The following BTBD8 variants were observed in gnomAD, a reference collection of about 807,000 sequenced individuals.
The protein encoded by BTBD8 is BTB/POZ domain-containing protein 8.
BTBD8 carries 110 observed loss-of-function variants against 162.9 expected under a neutral mutation model. The ratio of observed to expected loss-of-function variants is 0.68; its 90% confidence interval spans 0.58 to 0.79. The LOEUF is 0.79. BTBD8 is among the 30% of genes least tolerant of loss of function. The pLI is 0.00. For missense variants in BTBD8, 1,905 were observed against 2,085.4 expected (o/e 0.91, Z 1.68); for synonymous variants, 667 against 716.1 (o/e 0.93, Z 1.10).
chr1:92,177,135 G>A lies in BTBD8; in HGVS notation c.1942G>A (p.Ala648Thr). The change falls in exon 14 of 18, where the codon GCA becomes ACA. Residue 648 changes from alanine to threonine, a missense_variant. Coordinates refer to ENST00000636805, the MANE Select transcript of BTBD8 (RefSeq NM_001376131.1). ...TKSKTENGDK[A>T]RLENMSPRQV... ...ATCCAAAACAGAAAATGGTGATAAG[G>A]CACGGTTGGAAAACATGTCACCTAG... The A allele has an allele frequency of 1.3e-6, 2 of 1,551,662 alleles. No individual in the cohort carries two copies. Among genetic ancestry groups the A allele is most frequent in the Non-Finnish European group, 1.7e-6 (2 of 1,146,984 alleles).
intron 5 of BTBD8, among the ~76,000 whole-genome samples, chr1:92,131,186 G>C (rs1368486499): frequency 6.6e-6 from 1 of 152,158 alleles, no homozygotes; most frequent in Non-Finnish European, 1.5e-5. Context: ...TATACATTTA[G>C]AGACTAGATA....
Position 92,113,282 on chromosome 1 carries a change from T to C in BTBD8, c.662+5281T>C, listed in dbSNP as rs2101912257. On this transcript the variant is annotated intron_variant, in intron 4 of 17. Coordinates refer to ENST00000636805, the MANE Select transcript of BTBD8 (RefSeq NM_001376131.1). ...TTTAAGCCTCAGATGCTTCTAATTTTACTAAAATGGAAATGGCTGACATGC... is the reference window on the plus strand; with the variant it reads ...TTTAAGCCTCAGATGCTTCTAATTTCACTAAAATGGAAATGGCTGACATGC... Among the ~76,000 whole-genome samples, 2 of 152,346 alleles carry C rather than the reference T, an allele frequency of 1.3e-5. 1 individual carries two copies. Among genetic ancestry groups the C allele is most frequent in the South Asian group, 4.1e-4 (2 of 4,830 alleles).
intron 12 of BTBD8, among the ~76,000 whole-genome samples, chr1:92,171,013 G>T (rs1650524503): frequency 6.6e-6 from 1 of 151,182 alleles, no homozygotes; most frequent in African/African-American, 2.4e-5. Flanking sequence ...ATATTTAATA[G>T]CTTGTAGAAT....
rs2100698890 is a variant in BTBD8 at position 92,184,614 on chromosome 1, T to A, written c.*284T>A. ...GCTGATGATTTGTTCACTTAATCAT[T>A]ATTCAAGAATTTAAAATGTGAATGC... On this transcript the variant is annotated 3_prime_UTR_variant, in exon 18 of 18. Transcript: ENST00000636805. 4.1e-6 allele frequency: 1 copy of A among 243,416 alleles called. No individual in the cohort carries two copies. Among genetic ancestry groups the A allele is most frequent in the African/African-American group, 2.3e-5 (1 of 44,074 alleles). The allele number at this position is 243,416 out of a possible 1,614,324, so 15.1% of individuals were successfully genotyped here.
intron 2 of BTBD8, among the ~76,000 whole-genome samples, chr1:92,092,814 T>C (rs943321076): frequency 2.0e-4 from 30 of 152,230 alleles, no homozygotes; most frequent in African/African-American, 7.0e-4. Flanking sequence ...TCTGTCCTTA[T>C]ATCCCAGACA....
At chr1:92,151,028 A>G (rs1650031144) in intron 9 of BTBD8, 1 of 152,174 alleles carries the variant, frequency 6.6e-6, no homozygotes, top group Non-Finnish European at 1.5e-5. Flanking sequence ...AAATAAGTGT[A>G]AGATATCAGC....
intron 16 of BTBD8, among the ~76,000 whole-genome samples, chr1:92,178,666 T>C (rs893184875): frequency 6.6e-6 from 1 of 152,210 alleles, no homozygotes; most frequent in African/African-American, 2.4e-5. Flanking sequence ...GTTGTTGTTA[T>C]TGTTGAGACA....
chr1:92,091,451 G>C (rs1373185079), intron 2 of BTBD8, among the ~76,000 whole-genome samples: 1 of 143,890 alleles, frequency 6.9e-6, no homozygotes, highest in African/African-American at 2.6e-5. Context: ...TAATACACTC[G>C]TGTGTGTGTG....
intron 2 of BTBD8, among the ~76,000 whole-genome samples, chr1:92,090,602 G>A (rs1210419428): frequency 1.3e-5 from 2 of 151,958 alleles, no homozygotes; most frequent in Non-Finnish European, 1.5e-5. Context: ...TCACTTTCAC[G>A]ATGGTATCAT....
intron 1 of BTBD8, 85 bp downstream of exon 1, chr1:92,080,805 T>G: frequency 1.3e-6 from 2 of 1,519,176 alleles, no homozygotes; most frequent in Non-Finnish European, 1.8e-6. Context: ...CGGCTCTGCC[T>G]CCCCCTCCCT....
Position 92,102,637 on chromosome 1 carries a change from TC to T in BTBD8, c.513del (p.Ser172ValfsTer21). 1 of 1,516,224 alleles carries T rather than the reference TC, an allele frequency of 6.6e-7. No homozygotes were observed. The highest frequency in any genetic ancestry group is 2.4e-5 in the East Asian group (1 of 41,498). The allele number at this position is 1,516,224 out of a possible 1,614,324, so 93.9% of individuals were successfully genotyped here. ...SLQKHEIPED[I>X]SDRDDDFISN... ...CAGAAGCATGAAATTCCAGAGGATATCAGTGACAGAGATGATGATTTCATTT... is the reference window on the plus strand; with the variant it reads ...CAGAAGCATGAAATTCCAGAGGATATAGTGACAGAGATGATGATTTCATTT... On this transcript the variant is annotated frameshift_variant, in exon 3 of 18. Coordinates refer to ENST00000636805, the MANE Select transcript of BTBD8 (RefSeq NM_001376131.1). LOFTEE classifies it high-confidence loss of function.
At chr1:92,107,639 A>T (rs1042705741) in intron 3 of BTBD8, among the ~76,000 whole-genome samples, 3 of 152,218 alleles carry the variant, frequency 2.0e-5, no homozygotes, top group African/African-American at 7.2e-5. Context: ...ACTGTCATTA[A>T]GGGATGCATG....
chr1:92,138,268 A>G (rs1443948913), intron 5 of BTBD8, among the ~76,000 whole-genome samples: 1 of 152,218 alleles, frequency 6.6e-6, no homozygotes, highest in African/African-American at 2.4e-5. Context: ...ATCAACTTAC[A>G]CAACACCTTA....
chr1:92,089,067 T>C (rs1648232116), intron 2 of BTBD8, among the ~76,000 whole-genome samples, 172 bp downstream of exon 2: 1 of 152,196 alleles, frequency 6.6e-6, no homozygotes, highest in South Asian at 2.1e-4. Flanking sequence ...AGTGTTAATA[T>C]TAGTACTAGT....
intron 4 of BTBD8, among the ~76,000 whole-genome samples, chr1:92,120,974 G>A (rs961201515): frequency 7.2e-5 from 11 of 152,100 alleles, no homozygotes; most frequent in Non-Finnish European, 1.0e-4. Flanking sequence ...CATTGGCCAG[G>A]CTGGTCTCAA....
At chr1:92,172,368 A>T (rs1362304183) in intron 13 of BTBD8, among the ~76,000 whole-genome samples, 4 of 152,216 alleles carry the variant, frequency 2.6e-5, no homozygotes, top group Non-Finnish European at 5.9e-5. Context: ...ACATTACTAC[A>T]CTGTTACTGA....
chr1:92,113,951 G>A (rs910062730), intron 4 of BTBD8, among the ~76,000 whole-genome samples: 1 of 148,314 alleles, frequency 6.7e-6, no homozygotes. Flanking sequence ...GGCGGAGGTT[G>A]CAGTGACCCG....
At chr1:92,119,287 CTTTTTTT>C (rs905843721) in intron 4 of BTBD8, among the ~76,000 whole-genome samples, 2 of 132,880 alleles carry the variant, frequency 1.5e-5, no homozygotes, top group African/African-American at 5.6e-5. Flanking sequence ...TTCTTTTTTT[CTTTTTTT>C]TTTTTTTTTG....
intron 2 of BTBD8, among the ~76,000 whole-genome samples, chr1:92,092,084 C>T (rs1314213571): frequency 6.6e-6 from 1 of 151,984 alleles, no homozygotes; most frequent in Non-Finnish European, 1.5e-5. Context: ...AGGGTGGGGT[C>T]TTCATAAGGA....
Sources: gnomAD v4.1 joint callset for allele counts (sites outside exome capture counted in the v4.1 genomes callset) on GRCh38, gnomAD v4.1.1 for gene constraint, MANE v1.5 for transcripts, NCBI Gene and HGNC (gene_info 2026-07-23, HGNC 2026-07-21) for gene names.